The following TAF3 variants were observed in gnomAD, a reference collection of about 807,000 sequenced individuals.
TAF3 encodes the protein TATA-box binding protein associated factor 3, also known as transcription initiation factor TFIID subunit 3.
A neutral mutation model predicts 80.6 loss-of-function variants in TAF3; 7 were observed. That is an observed-to-expected ratio of 0.09 (90% CI 0.05 to 0.16). The LOEUF (loss-of-function observed/expected upper bound fraction) is 0.16, where lower values mean the gene tolerates loss of function less well. TAF3 is among the 10% of genes least tolerant of loss of function. The pLI, the probability that TAF3 is intolerant of heterozygous loss-of-function variation, is 1.00. For missense variants in TAF3, 921 were observed against 1,140.2 expected (o/e 0.81, Z 2.77); for synonymous variants, 444 against 446.1 (o/e 1.00, Z 0.06).
chr10:7,853,541 A>G (rs1213815349), intron 2 of TAF3, among the ~76,000 whole-genome samples: 7 of 152,214 alleles, frequency 4.6e-5, no homozygotes, highest in African/African-American at 1.7e-4. Context: ...AAATGAGGAA[A>G]TATTCTTCAA....
chr10:7,929,083 T>G (rs1355611089), intron 2 of TAF3, among the ~76,000 whole-genome samples: 1 of 151,948 alleles, frequency 6.6e-6, no homozygotes, highest in Non-Finnish European at 1.5e-5. Context: ...TTAAGGGAGG[T>G]TTTTGCCTTC....
chr10:7,968,664 C>T (rs1405241578), intron 3 of TAF3, among the ~76,000 whole-genome samples: 1 of 152,162 alleles, frequency 6.6e-6, no homozygotes. Context: ...ATTATTATCA[C>T]TTTAAGATGA....
intron 2 of TAF3, among the ~76,000 whole-genome samples, chr10:7,952,161 A>G (rs2131404071): frequency 6.6e-6 from 1 of 152,218 alleles, no homozygotes; most frequent in Non-Finnish European, 1.5e-5. Context: ...TGGATATGGA[A>G]TCTTAGTTGT....
intron 2 of TAF3, among the ~76,000 whole-genome samples, chr10:7,847,771 T>C (rs556726800): frequency 2.0e-5 from 3 of 151,958 alleles, no homozygotes; most frequent in Non-Finnish European, 4.4e-5. Context: ...AAAACTTCTT[T>C]TTTTCTTAAT....
At chr10:7,924,133 A>G (rs1837793041) in intron 2 of TAF3, among the ~76,000 whole-genome samples, 1 of 152,354 alleles carries the variant, frequency 6.6e-6, no homozygotes, top group Middle Eastern at 3.4e-3. Context: ...ACGTTTGAAT[A>G]CATCATTCTT....
intron 2 of TAF3, among the ~76,000 whole-genome samples, chr10:7,914,018 G>A (rs1837681780): frequency 6.6e-6 from 1 of 152,106 alleles, no homozygotes; most frequent in African/African-American, 2.4e-5. Flanking sequence ...AATGACTTAT[G>A]TGACATCAAC....
chr10:7,923,303 T>A (rs1837784216), intron 2 of TAF3, among the ~76,000 whole-genome samples: 3 of 152,076 alleles, frequency 2.0e-5, no homozygotes, highest in African/African-American at 7.2e-5. Context: ...TAATTTAAAA[T>A]TGCTTTGTTT....
intron 2 of TAF3, among the ~76,000 whole-genome samples, chr10:7,878,958 C>A (rs1044567402): frequency 3.3e-5 from 5 of 152,100 alleles, no homozygotes; most frequent in Admixed American, 3.3e-4. Context: ...GAACTCCTGA[C>A]CTCAAGCAAT....
chr10:7,947,011 C>T (rs1296700565), intron 2 of TAF3, among the ~76,000 whole-genome samples: 2 of 152,202 alleles, frequency 1.3e-5, no homozygotes, highest in African/African-American at 2.4e-5. Context: ...ATCCTCTCAC[C>T]TCAGCCTCCC....
chr10:7,840,234 A>G (rs1836897705), intron 2 of TAF3, among the ~76,000 whole-genome samples: 1 of 151,250 alleles, frequency 6.6e-6, no homozygotes, highest in Non-Finnish European at 1.5e-5. Flanking sequence ...CTCACTGCAA[A>G]CTCCACCTCA....
chr10:7,912,998 G>A (rs1297132472), intron 2 of TAF3, among the ~76,000 whole-genome samples: 5 of 152,150 alleles, frequency 3.3e-5, no homozygotes, highest in Non-Finnish European at 5.9e-5. Flanking sequence ...GTCTAGGACC[G>A]AGGGGTCAGC....
At chr10:7,835,305 G>A (rs1836841045) in intron 2 of TAF3, among the ~76,000 whole-genome samples, 2 of 144,516 alleles carry the variant, frequency 1.4e-5, no homozygotes, top group South Asian at 4.7e-4. Flanking sequence ...GTCCTGGGCC[G>A]CATATGGCCC....
intron 2 of TAF3, among the ~76,000 whole-genome samples, chr10:7,935,595 T>C (rs143391251): frequency 9.0e-4 from 137 of 151,554 alleles, no homozygotes; most frequent in Middle Eastern, 3.4e-3. Flanking sequence ...AATAAATAAA[T>C]AAATAAAGCA....
chr10:7,980,716 A>G (rs1189501389), intron 4 of TAF3, among the ~76,000 whole-genome samples: 2 of 152,206 alleles, frequency 1.3e-5, no homozygotes, highest in Non-Finnish European at 2.9e-5. Flanking sequence ...CTGGGATAGC[A>G]AGTAAGTTTC....
chr10:7,998,243 ATATATATATATATATATATATG>A (rs978865163), intron 4 of TAF3, among the ~76,000 whole-genome samples: 4 of 19,364 alleles, frequency 2.1e-4, no homozygotes, highest in Non-Finnish European at 5.8e-4. Flanking sequence ...AGTGAGAACT[ATATATATATATATATATATATG>A]TATATATATA....
intron 2 of TAF3, among the ~76,000 whole-genome samples, chr10:7,886,885 C>G (rs914383396): frequency 2.2e-4 from 33 of 152,156 alleles, no homozygotes; most frequent in African/African-American, 7.7e-4. Context: ...AATACCATCT[C>G]TAAGAGTATC....
intron 2 of TAF3, among the ~76,000 whole-genome samples, chr10:7,913,734 C>T (rs1434850165): frequency 6.6e-6 from 1 of 152,150 alleles, no homozygotes; most frequent in Admixed American, 6.5e-5. Context: ...GAAAGTGAGA[C>T]AGCAGATACT....
intron 4 of TAF3, among the ~76,000 whole-genome samples, chr10:7,979,365 A>G (rs1406071040): frequency 6.9e-6 from 1 of 144,022 alleles, no homozygotes; most frequent in Non-Finnish European, 1.5e-5. Context: ...AAAAAATGAA[A>G]AAAAAAAAAA....
chr10:7,914,225 G>A (rs769088663), intron 2 of TAF3, among the ~76,000 whole-genome samples: 12 of 152,194 alleles, frequency 7.9e-5, no homozygotes, highest in Non-Finnish European at 1.8e-4. Flanking sequence ...AAATACGTAT[G>A]GAATTACTTA....
Sources: allele counts gnomAD v4.1 joint callset (sites outside exome capture counted in the v4.1 genomes callset), GRCh38; gene constraint gnomAD v4.1.1; transcripts MANE v1.5; gene names NCBI Gene and HGNC (gene_info 2026-07-23, HGNC 2026-07-21).